Variants in FAN1 observed in about 807,000 individuals in gnomAD.
FAN1 encodes FANCD2 and FANCI associated nuclease 1, also known as fanconi-associated nuclease 1.
FAN1 carries 91 observed loss-of-function variants against 104.9 expected under a neutral mutation model. The observed-to-expected ratio is 0.87, with a 90% CI of 0.73 to 1.03. The LOEUF is 1.03. FAN1 is among the 50% of genes least tolerant of loss of function. The pLI, the probability that FAN1 is intolerant of heterozygous loss-of-function variation, is 0.00. For synonymous variants in FAN1, 478 were observed against 457.6 expected, an observed-to-expected ratio of 1.04 and a Z score of -0.57; for missense variants, 1,263 against 1,239.9, an observed-to-expected ratio of 1.02 and a Z score of -0.28.
intron 14 of FAN1, chr15:30,941,144 CTAA>C: frequency 7.8e-7 from 1 of 1,286,912 alleles, no homozygotes; most frequent in Non-Finnish European, 1.0e-6. Context: ...CCTGGGGCTG[CTAA>C]TGTGACTGAC....
intron 9 of FAN1, 46 bp downstream of exon 9, chr15:30,925,337 T>G (rs2062433142): frequency 6.4e-7 from 1 of 1,554,764 alleles, no homozygotes; most frequent in African/African-American, 1.4e-5. Context: ...CGCGTGTACC[T>G]GGTTTTTTTG....
At chr15:30,922,120 A>G in intron 7 of FAN1, 115 bp from the exon 8 acceptor site, 1 of 1,340,128 alleles carries the variant, frequency 7.5e-7, no homozygotes, top group Non-Finnish European at 1.0e-6. Context: ...GCCTCATTGT[A>G]GAATGGAAAG....
At chr15:30,912,838 A>G (rs2955796) in intron 4 of FAN1, among the ~76,000 whole-genome samples, 1 of 151,988 alleles carries the variant, frequency 6.6e-6, no homozygotes, top group Non-Finnish European at 1.5e-5. Flanking sequence ...CTGACAACAA[A>G]GAATTACCTA....
chr15:30,912,119 A>G (rs1414727303), intron 4 of FAN1, among the ~76,000 whole-genome samples: 1 of 152,220 alleles, frequency 6.6e-6, no homozygotes. Flanking sequence ...CATAGAACAG[A>G]TAAAGTAAAT....
At chr15:30,940,249 T>C in intron 14 of FAN1, 1 of 984,452 alleles carries the variant, frequency 1.0e-6, no homozygotes, top group South Asian at 4.7e-5. Context: ...CAGTGGTAGG[T>C]AGGCTCTTGT....
At position 30,929,862 on chromosome 15, in the gene FAN1, A is replaced by ATC. The variant is rs1566930822; in HGVS notation, c.2787+465_2787+466insTC. Among the ~76,000 whole-genome samples, 10 of 60,342 alleles carry ATC rather than the reference A, an allele frequency of 1.7e-4. 1 individual carries two copies. Among genetic ancestry groups the ATC allele is most frequent in the African/African-American group, 9.5e-4 (10 of 10,512 alleles). 39.6% of individuals were successfully genotyped at this position (60,342 alleles called of 152,430 possible). On this transcript the variant is annotated intron_variant, in intron 12 of 14. Transcript: ENST00000362065. ...AATATATAAAATATATATCATATAT[A>ATC]ATATATATAAAATATATAATATATA...
chr15:30,929,175 A>T, intron 11 of FAN1, 28 bp from the exon 12 acceptor site: 1 of 1,605,292 alleles, frequency 6.2e-7, no homozygotes, highest in Non-Finnish European at 8.5e-7. Flanking sequence ...CAGGCACAGT[A>T]TGACAGCTTG....
Position 30,905,806 on chromosome 15 carries a change from G to A in FAN1, c.1143G>A (p.Val381=), listed in dbSNP as rs142470367. 71 of 1,614,182 alleles carry A rather than the reference G, an allele frequency of 4.4e-5. No homozygotes were observed. In the African/African-American group the frequency reaches 7.9e-4, roughly 18 times the overall value. Residue 381 remains valine (V), a synonymous_variant, in exon 2 of 15, where the codon GTG becomes GTA. Transcript: ENST00000362065. Reference sequence around the variant, plus strand: ...CTTACTACCTTCGGAGTTTCCTTGTGGTGCTGAAAACCGTACTTGAGAATG... The same window carrying A: ...CTTACTACCTTCGGAGTTTCCTTGTAGTGCTGAAAACCGTACTTGAGAATG... ...GHPYYLRSFL[V]VLKTVLENED... is the part of the protein sequence containing the mutation.
At chr15:30,941,488 T>C (rs772167377) in intron 14 of FAN1, 78 bp from the exon 15 acceptor site, 2 of 1,609,060 alleles carry the variant, frequency 1.2e-6, no homozygotes, top group Non-Finnish European at 1.7e-6. Context: ...CATTTGCTAA[T>C]GTCTCAGTAG....
intron 10 of FAN1, chr15:30,926,412 G>T: frequency 5.7e-6 from 1 of 174,080 alleles, no homozygotes; most frequent in Non-Finnish European, 1.1e-5. Flanking sequence ...CTGTGCCCGG[G>T]CTGCAGGGTT....
intron 4 of FAN1, among the ~76,000 whole-genome samples, chr15:30,912,702 G>A (rs939324078): frequency 3.3e-5 from 5 of 152,172 alleles, no homozygotes; most frequent in Admixed American, 1.3e-4. Context: ...CTCAACTGGG[G>A]GCATCTGGCA....
Position 30,942,167 on chromosome 15 carries a change from T to C in FAN1, c.*605T>C. 7.2e-7 allele frequency: 1 copy of C among 1,390,496 alleles called. No individual in the cohort carries two copies. The highest frequency in any genetic ancestry group is 1.4e-5 in the South Asian group (1 of 71,370). 86.1% of individuals were successfully genotyped at this position (1,390,496 alleles called of 1,614,324 possible). ...ATATAAACTCAATACTATGAAAAAT[T>C]AATGGAATTTCAGCCTCAAAGAACA... is the stretch of plus-strand genomic sequence containing the variant. On this transcript the variant is annotated 3_prime_UTR_variant, in exon 15 of 15. Coordinates refer to ENST00000362065, the MANE Select transcript of FAN1 (RefSeq NM_014967.5).
intron 10 of FAN1, chr15:30,926,631 G>A: frequency 1.0e-6 from 1 of 985,338 alleles, no homozygotes; most frequent in Non-Finnish European, 1.2e-6. Context: ...TATTGGGGAA[G>A]ACGTGCAAAT....
At position 30,928,838 on chromosome 15, in the gene FAN1, A is replaced by G. The variant is rs188512595; in HGVS notation, c.2592+182A>G. The G allele has an allele frequency of 3.7e-5, 35 of 956,974 alleles. 1 individual carries two copies. In the Admixed American group the frequency reaches 2.0e-3, roughly 54 times the overall value. The allele number at this position is 956,974 out of a possible 1,614,324, so 59.3% of individuals were successfully genotyped here. On this transcript the variant is annotated intron_variant, in intron 11 of 14. Transcript: ENST00000362065. ...GAGTAATAGAATTTAAGATGTAAGT[A>G]TGTGAAGTTTTAAACTTTAATTTAG...
In FAN1 at chr15:30,913,835, T is replaced by C. The variant is rs769050633; in HGVS notation, c.1578-23T>C. 11 of 1,491,118 alleles carry C rather than the reference T, an allele frequency of 7.4e-6. 1 individual carries two copies. In the Admixed American group the frequency reaches 1.6e-4, roughly 21 times the overall value. 92.4% of individuals were successfully genotyped at this position (1,491,118 alleles called of 1,614,324 possible). A position where few individuals can be genotyped will look rare whatever the true frequency, so the allele number is the denominator to read the frequency against. On this transcript the variant is annotated intron_variant, in intron 4 of 14. Coordinates refer to ENST00000362065, the MANE Select transcript of FAN1 (RefSeq NM_014967.5). ...CAAATGCTTAAAAAGCTAAAAGTTA[T>C]TTCTACATTGTACATTTTTCAGAGC...
At chr15:30,940,018 CAGTACATAT>C in intron 14 of FAN1, 1 of 975,462 alleles carries the variant, frequency 1.0e-6, no homozygotes. Context: ...AACAGCTATT[CAGTACATAT>C]AAAGGTAAAA....
intron 13 of FAN1, 126 bp from the exon 14 acceptor site, chr15:30,936,993 C>A: frequency 2.7e-6 from 2 of 744,800 alleles, no homozygotes; most frequent in East Asian, 2.5e-5. Flanking sequence ...ATTTGTGTTA[C>A]ACTTACAAAT....
Position 30,942,182 on chromosome 15 carries a change from C to T in FAN1, c.*620C>T. On this transcript the variant is annotated 3_prime_UTR_variant, in exon 15 of 15. Coordinates refer to ENST00000362065, the MANE Select transcript of FAN1 (RefSeq NM_014967.5). ...TATGAAAAATTAATGGAATTTCAGC[C>T]TCAAAGAACATTTTCCTCCCTTCCT... The T allele has an allele frequency of 7.6e-7, 1 of 1,317,782 alleles. No individual in the cohort carries two copies. Among genetic ancestry groups the T allele is most frequent in the African/African-American group, 1.5e-5 (1 of 67,944 alleles). 81.6% of individuals were successfully genotyped at this position (1,317,782 alleles called of 1,614,324 possible).
Position 30,925,146 on chromosome 15 carries a change from A to C in FAN1, c.2192A>C (p.Glu731Ala). The C allele has an allele frequency of 2.5e-6, 4 of 1,613,880 alleles. No individual in the cohort carries two copies. The highest frequency in any genetic ancestry group is 3.4e-6 in the Non-Finnish European group (4 of 1,179,930). Reference protein sequence around the residue: ...RLEPTIKCITEGLADPEVRTG... With the variant: ...RLEPTIKCITAGLADPEVRTG... ...TGCCAGACTATCAAGTGCATCACAGAGGGGCTGGCGGATCCGGAAGTCAGA... is the reference window on the plus strand; with the variant it reads ...TGCCAGACTATCAAGTGCATCACAGCGGGGCTGGCGGATCCGGAAGTCAGA... The change falls in exon 9 of 15, where the codon GAG (glutamate) becomes GCG (alanine). Residue 731 changes from glutamate to alanine, a missense_variant. Transcript: ENST00000362065.
Sources: allele counts gnomAD v4.1 joint callset (sites outside exome capture counted in the v4.1 genomes callset), GRCh38; gene constraint gnomAD v4.1.1; transcripts MANE v1.5; gene names NCBI Gene and HGNC (gene_info 2026-07-23, HGNC 2026-07-21).